ACYP2: variants seen among roughly 807,000 people sequenced by gnomAD.
ACYP2 encodes the protein acylphosphatase 2, also known as acylphosphatase-2.
ACYP2 carries 12 observed loss-of-function variants against 11.2 expected under a neutral mutation model. The ratio of observed to expected loss-of-function variants is 1.08; its 90% CI spans 0.69 to 1.74. The LOEUF is 1.74. Ranked by LOEUF, ACYP2 falls within the 40% of genes most tolerant of loss-of-function variation. ACYP2 has a pLI of 0.00. For synonymous variants in ACYP2, 43 were observed against 32.2 expected (o/e 1.33, Z -1.13); for missense variants, 134 against 101.9 (o/e 1.31, Z -1.35).
At chr2:53,993,087 T>A (rs920647175) in intron 2 of ACYP2, among the ~76,000 whole-genome samples, 4 of 152,016 alleles carry the variant, frequency 2.6e-5, no homozygotes, top group Non-Finnish European at 5.9e-5. Flanking sequence ...ATGCTTATAG[T>A]CCCAGATACT....
intron 6 of ACYP2, among the ~76,000 whole-genome samples, chr2:54,296,776 T>A (rs1239092707): frequency 6.6e-6 from 1 of 152,244 alleles, no homozygotes; most frequent in African/African-American, 2.4e-5. Flanking sequence ...GGACACATGG[T>A]TATCAAATAA....
At chr2:54,077,960 TTTTC>T (rs1436255834) in intron 4 of ACYP2, among the ~76,000 whole-genome samples, 64 of 145,146 alleles carry the variant, frequency 4.4e-4, no homozygotes, top group African/African-American at 1.3e-3. Flanking sequence ...TTGCACTTTC[TTTTC>T]TTTCTTTCTT....
At chr2:54,123,102 C>T (rs962030821) in intron 4 of ACYP2, 5 of 349,764 alleles carry the variant, frequency 1.4e-5, no homozygotes, top group African/African-American at 1.0e-4. Flanking sequence ...GTGCATGTTT[C>T]TCCTTCTAAA....
At chr2:54,032,946 A>T (rs554830060) in intron 2 of ACYP2, among the ~76,000 whole-genome samples, 2 of 152,358 alleles carry the variant, frequency 1.3e-5, no homozygotes, top group East Asian at 3.9e-4. Flanking sequence ...AGTTAGTCAG[A>T]TAAAGCTGGA....
intron 2 of ACYP2, among the ~76,000 whole-genome samples, chr2:54,034,358 C>G (rs1674755635): frequency 1.3e-5 from 2 of 152,096 alleles, no homozygotes. Flanking sequence ...ACTCCAACCT[C>G]TACCCCCCAA....
At chr2:54,206,281 C>T (rs1685067047) in intron 6 of ACYP2, among the ~76,000 whole-genome samples, 1 of 152,140 alleles carries the variant, frequency 6.6e-6, no homozygotes, top group African/African-American at 2.4e-5. Flanking sequence ...CTTAAATATT[C>T]ATAATGAATG....
chr2:54,200,329 T>A (rs1684701902), intron 6 of ACYP2, among the ~76,000 whole-genome samples: 1 of 152,186 alleles, frequency 6.6e-6, no homozygotes, highest in South Asian at 2.1e-4. Context: ...CCTCATCATA[T>A]ACAAGGCTAC....
intron 6 of ACYP2, among the ~76,000 whole-genome samples, chr2:54,225,262 G>A (rs1685964967): frequency 6.6e-6 from 1 of 152,130 alleles, no homozygotes; most frequent in South Asian, 2.1e-4. Context: ...TGGCAGGCTG[G>A]GTGGAGCATG....
chr2:54,298,043 A>G (rs1315768905), intron 6 of ACYP2, among the ~76,000 whole-genome samples: 1 of 152,236 alleles, frequency 6.6e-6, no homozygotes, highest in Non-Finnish European at 1.5e-5. Flanking sequence ...ACTAATGGAC[A>G]TTAAAATATA....
At chr2:54,144,450 C>T (rs1681789445) in intron 6 of ACYP2, among the ~76,000 whole-genome samples, 1 of 152,052 alleles carries the variant, frequency 6.6e-6, no homozygotes, top group Admixed American at 6.6e-5. Flanking sequence ...CTGAGGTGGG[C>T]AGATTATGAG....
At chr2:54,219,524 T>C (rs1006717089) in intron 6 of ACYP2, among the ~76,000 whole-genome samples, 3 of 152,188 alleles carry the variant, frequency 2.0e-5, no homozygotes, top group Non-Finnish European at 4.4e-5. Context: ...AAATGACATA[T>C]ATTAAAGTTT....
At chr2:54,258,416 TAAC>T (rs1239490409) in intron 6 of ACYP2, among the ~76,000 whole-genome samples, 3 of 152,080 alleles carry the variant, frequency 2.0e-5, no homozygotes, top group Non-Finnish European at 4.4e-5. Context: ...GTTCAAGAAA[TAAC>T]AAGGAGGCCA....
At chr2:54,241,585 T>C (rs1051512706) in intron 6 of ACYP2, among the ~76,000 whole-genome samples, 1 of 152,216 alleles carries the variant, frequency 6.6e-6, no homozygotes, top group East Asian at 1.9e-4. Context: ...AGGTAGAGAT[T>C]CGTCTATGCC....
intron 2 of ACYP2, among the ~76,000 whole-genome samples, chr2:54,043,976 A>G (rs1675379788): frequency 6.6e-6 from 1 of 152,202 alleles, no homozygotes; most frequent in Non-Finnish European, 1.5e-5. Flanking sequence ...AGGATGAGAA[A>G]TAAGAAGCTC....
At chr2:54,255,719 C>G in intron 6 of ACYP2, 1 of 1,614,026 alleles carries the variant, frequency 6.2e-7, no homozygotes, top group Non-Finnish European at 8.5e-7. Context: ...TCGGCCTTCC[C>G]CTCTGCAATC....
chr2:54,189,987 A>C (rs1684174400), intron 6 of ACYP2, among the ~76,000 whole-genome samples: 1 of 152,084 alleles, frequency 6.6e-6, no homozygotes, highest in Non-Finnish European at 1.5e-5. Context: ...TACCTGTTGG[A>C]CATTTTTACG....
intron 6 of ACYP2, chr2:54,253,840 G>A (rs1162759046): frequency 6.6e-6 from 1 of 152,266 alleles, no homozygotes; most frequent in Admixed American, 6.5e-5. Flanking sequence ...GGCAATAAGA[G>A]GTCTGGCAGT....
chr2:54,212,418 T>A (rs1246354887), intron 6 of ACYP2, among the ~76,000 whole-genome samples: 1 of 152,168 alleles, frequency 6.6e-6, no homozygotes, highest in African/African-American at 2.4e-5. Flanking sequence ...TCAGCTGTAA[T>A]CTCCTTTTCC....
intron 1 of ACYP2, among the ~76,000 whole-genome samples, chr2:53,972,993 C>T (rs1671249468): frequency 3.3e-5 from 5 of 152,062 alleles, no homozygotes; most frequent in Admixed American, 3.3e-4. Context: ...TAGGGCCCTT[C>T]ACAAATCTCT....
Sources: allele counts gnomAD v4.1 joint callset (sites outside exome capture counted in the v4.1 genomes callset), GRCh38; gene constraint gnomAD v4.1.1; transcripts MANE v1.5; gene names NCBI Gene and HGNC (gene_info 2026-07-23, HGNC 2026-07-21).